PTPRM: variants seen among roughly 807,000 people sequenced by gnomAD.
PTPRM encodes protein tyrosine phosphatase receptor type M.
In PTPRM, 47 loss-of-function variants were observed where a neutral mutation model predicts 186.7. That is an observed-to-expected ratio of 0.25 (90% CI 0.20 to 0.32). The LOEUF is 0.32. Among genes scored for constraint, PTPRM ranks in the 10% least tolerant of loss-of-function variants. The probability of loss-of-function intolerance (pLI) is 1.00; values close to 1 mark genes in which losing one functional copy is unlikely to be tolerated. For missense variants in PTPRM, 1,494 were observed against 1,865.0 expected, an observed-to-expected ratio of 0.80 and a Z score of 3.66; for synonymous variants, 668 against 674.9, an observed-to-expected ratio of 0.99 and a Z score of 0.16.
intron 13 of PTPRM, among the ~76,000 whole-genome samples, chr18:8,134,150 G>A (rs2092581392): frequency 6.6e-6 from 1 of 152,122 alleles, no homozygotes; most frequent in Admixed American, 6.5e-5. Flanking sequence ...TGACTACATT[G>A]TGCATAGACA....
At chr18:8,079,030 T>C (rs2089985093) in intron 9 of PTPRM, among the ~76,000 whole-genome samples, 1 of 152,236 alleles carries the variant, frequency 6.6e-6, no homozygotes, top group South Asian at 2.1e-4. Context: ...GCTGTAGCTT[T>C]AGATTATTCT....
chr18:8,169,817 T>G (rs560873873), intron 14 of PTPRM, among the ~76,000 whole-genome samples: 1 of 152,332 alleles, frequency 6.6e-6, no homozygotes, highest in South Asian at 2.1e-4. Context: ...TGGGTCCATT[T>G]TTTCTTCTGT....
At chr18:7,900,972 C>T (rs1333208564) in intron 3 of PTPRM, among the ~76,000 whole-genome samples, 1 of 152,140 alleles carries the variant, frequency 6.6e-6, no homozygotes, top group Non-Finnish European at 1.5e-5. Flanking sequence ...ATGAACATGG[C>T]ACATCCCCAG....
At chr18:7,699,472 G>A (rs1406084198) in intron 1 of PTPRM, among the ~76,000 whole-genome samples, 2 of 152,026 alleles carry the variant, frequency 1.3e-5, no homozygotes, top group Admixed American at 6.6e-5. Flanking sequence ...AGAGTGGCGC[G>A]ATCTCAGCTT....
intron 1 of PTPRM, among the ~76,000 whole-genome samples, chr18:7,691,442 GT>G (rs1315566809): frequency 2.6e-5 from 4 of 152,154 alleles, no homozygotes; most frequent in Non-Finnish European, 4.4e-5. Flanking sequence ...AGCTACCGAT[GT>G]TTGTGGGAGG....
At chr18:8,202,629 C>T (rs559682450) in intron 14 of PTPRM, among the ~76,000 whole-genome samples, 2 of 151,740 alleles carry the variant, frequency 1.3e-5, no homozygotes, top group South Asian at 2.1e-4. Flanking sequence ...AGGTTTCTCA[C>T]GGAACTGCCT....
intron 9 of PTPRM, 99 bp downstream of exon 9, chr18:8,076,663 T>C (rs1280404100): frequency 1.7e-6 from 1 of 598,246 alleles, no homozygotes; most frequent in Non-Finnish European, 2.9e-6. Flanking sequence ...ACATAATATA[T>C]TTTAAGAAGT....
intron 2 of PTPRM, among the ~76,000 whole-genome samples, chr18:7,828,265 A>G (rs1212620400): frequency 1.3e-5 from 2 of 148,756 alleles, no homozygotes; most frequent in Admixed American, 6.7e-5. Context: ...TAATTTTATT[A>G]TTATTATACT....
chr18:7,881,190 C>G (rs933284950), intron 2 of PTPRM, among the ~76,000 whole-genome samples: 7 of 152,070 alleles, frequency 4.6e-5, no homozygotes, highest in African/African-American at 1.7e-4. Flanking sequence ...AATCACAGCA[C>G]TTGGGAGGCT....
At chr18:8,156,796 T>C (rs1217731519) in intron 14 of PTPRM, among the ~76,000 whole-genome samples, 2 of 152,042 alleles carry the variant, frequency 1.3e-5, no homozygotes, top group East Asian at 1.9e-4. Context: ...GCATGTCTTA[T>C]TCTTTTCTTT....
At chr18:8,341,065 T>TCCCAGAGC (rs1325571224) in intron 22 of PTPRM, among the ~76,000 whole-genome samples, 2 of 6,224 alleles carry the variant, frequency 3.2e-4, no homozygotes, top group African/African-American at 5.1e-4. Context: ...AGTGGTTTAA[T>TCCCAGAGC]TCCGGCTGTG....
intron 7 of PTPRM, among the ~76,000 whole-genome samples, chr18:8,033,346 ATACAC>A (rs2086115734): frequency 6.6e-6 from 1 of 152,192 alleles, no homozygotes; most frequent in Admixed American, 6.5e-5. Flanking sequence ...TATCATGACT[ATACAC>A]TATATGTATA....
chr18:8,055,366 T>C (rs938602617), intron 7 of PTPRM, among the ~76,000 whole-genome samples: 2 of 152,170 alleles, frequency 1.3e-5, no homozygotes, highest in Non-Finnish European at 2.9e-5. Flanking sequence ...CTCTGATCCA[T>C]GCACTACTTC....
rs184409247 is a variant in PTPRM, at chr18:8,232,818, A to G, written c.2301-11240A>G. The stretch of plus-strand genomic sequence containing the variant: ...GACAAAGACAAAAGAGTATATTTGG[A>G]AGAAGGGGTCAGGGGGCACCTTGCT... On this transcript the variant is annotated intron_variant, in intron 14 of 32. Coordinates refer to ENST00000580170, the MANE Select transcript of PTPRM (RefSeq NM_001105244.2). Among the ~76,000 whole-genome samples the G allele has an allele frequency of 2.2e-3, 335 of 152,302 alleles. 2 individuals carry two copies. The highest frequency in any genetic ancestry group is 7.6e-3 in the African/African-American group (317 of 41,582).
intron 8 of PTPRM, among the ~76,000 whole-genome samples, chr18:8,073,255 T>C (rs1317738723): frequency 6.6e-6 from 1 of 152,224 alleles, no homozygotes; most frequent in African/African-American, 2.4e-5. Context: ...TTCCTTTGCT[T>C]TCTTAATAAT....
At chr18:7,860,636 G>T (rs1477224666) in intron 2 of PTPRM, among the ~76,000 whole-genome samples, 1 of 152,084 alleles carries the variant, frequency 6.6e-6, no homozygotes, top group Non-Finnish European at 1.5e-5. Context: ...TGTTCCTCTG[G>T]ATTATTTGCA....
intron 1 of PTPRM, among the ~76,000 whole-genome samples, chr18:7,583,676 T>C (rs2036904167): frequency 6.6e-6 from 1 of 152,258 alleles, no homozygotes; most frequent in Non-Finnish European, 1.5e-5. Context: ...GAATTACTTA[T>C]ATTTTTCATG....
At chr18:8,283,147 C>A (rs1021973020) in intron 19 of PTPRM, among the ~76,000 whole-genome samples, 4 of 152,074 alleles carry the variant, frequency 2.6e-5, no homozygotes, top group African/African-American at 9.7e-5. Context: ...GATTGGAGAT[C>A]TACACTTAAG....
intron 7 of PTPRM, among the ~76,000 whole-genome samples, chr18:8,050,632 C>T (rs114674110): frequency 1.3e-5 from 2 of 152,102 alleles, no homozygotes; most frequent in Admixed American, 1.3e-4. Flanking sequence ...TCAGTGTGCA[C>T]AGCATATACG....
Sources: gnomAD v4.1 joint callset for allele counts (sites outside exome capture counted in the v4.1 genomes callset) on GRCh38, gnomAD v4.1.1 for gene constraint, MANE v1.5 for transcripts, NCBI Gene and HGNC (gene_info 2026-07-23, HGNC 2026-07-21) for gene names.